CLSTN2: variants seen among roughly 807,000 people sequenced by gnomAD.
The protein encoded by CLSTN2 is calsyntenin 2, also known as calsyntenin-2.
CLSTN2 carries 48 observed loss-of-function variants against 101.2 expected under a neutral mutation model. The observed-to-expected ratio is 0.47, with a 90% CI of 0.38 to 0.60. The LOEUF (loss-of-function observed/expected upper bound fraction) is 0.60, where lower values mean the gene tolerates loss of function less well. Among genes scored for constraint, CLSTN2 ranks in the 20% least tolerant of loss-of-function variants. The pLI, the probability that CLSTN2 is intolerant of heterozygous loss-of-function variation, is 0.00. For missense variants in CLSTN2, 1,160 were observed against 1,238.2 expected (o/e 0.94, Z 0.95); for synonymous variants, 481 against 463.6 (o/e 1.04, Z -0.48).
chr3:140,133,701 A>G (rs1198514281), intron 1 of CLSTN2, among the ~76,000 whole-genome samples: 2 of 152,322 alleles, frequency 1.3e-5, no homozygotes, highest in East Asian at 1.9e-4. Flanking sequence ...ACCGCATTAC[A>G]TAGTACTGGA....
chr3:140,162,200 G>T (rs1448707939), intron 1 of CLSTN2, among the ~76,000 whole-genome samples: 8 of 152,098 alleles, frequency 5.3e-5, no homozygotes. Context: ...TTTTGACCTT[G>T]TGAACCCCTG....
At chr3:139,955,112 C>CTATATAGATATATATA (rs1935367361) in intron 1 of CLSTN2, among the ~76,000 whole-genome samples, 1 of 71,504 alleles carries the variant, frequency 1.4e-5, no homozygotes, top group African/African-American at 5.6e-5. Flanking sequence ...GGCAATATTG[C>CTATATAGATATATATA]TATATATATA....
At chr3:140,407,081 G>A (rs1043746287) in intron 4 of CLSTN2, among the ~76,000 whole-genome samples, 41 of 152,212 alleles carry the variant, frequency 2.7e-4, no homozygotes, top group African/African-American at 9.7e-4. Context: ...CCCTGACAGC[G>A]AGGTGTACAG....
At chr3:139,945,069 G>T (rs115821310) in intron 1 of CLSTN2, among the ~76,000 whole-genome samples, 2,549 of 150,158 alleles carry the variant, frequency 0.017, 83 homozygotes, top group African/African-American at 0.061. Context: ...TGTGAAAATT[G>T]CCAGTTAAAA....
chr3:140,007,040 G>T (rs1186947022), intron 1 of CLSTN2, among the ~76,000 whole-genome samples: 1 of 151,946 alleles, frequency 6.6e-6, no homozygotes, highest in Non-Finnish European at 1.5e-5. Flanking sequence ...TTTGCCTCAG[G>T]CTGTAATAGA....
At chr3:140,404,918 A>G (rs1370968215) in intron 4 of CLSTN2, 152 bp downstream of exon 4, 2 of 686,572 alleles carry the variant, frequency 2.9e-6, no homozygotes, top group Non-Finnish European at 5.0e-6. Context: ...TCAGTCCCAC[A>G]CTTGAGGGAA....
In CLSTN2 at chr3:140,566,007, C is replaced by T; in HGVS notation, c.2668-46C>T. 10 of 1,611,152 alleles carry T rather than the reference C, an allele frequency of 6.2e-6. 1 individual carries two copies. In the African/African-American group the frequency reaches 6.7e-5, roughly 11 times the overall value. On this transcript the variant is annotated intron_variant, in intron 16 of 16. Transcript: ENST00000458420. The stretch of plus-strand genomic sequence containing the variant: ...AGAGACATAAGCTCCAAAATGGCCT[C>T]TGTTCAGCCCCTGATGAGCATTTGC...
At chr3:139,980,695 C>T (rs1049101436) in intron 1 of CLSTN2, among the ~76,000 whole-genome samples, 2 of 152,094 alleles carry the variant, frequency 1.3e-5, no homozygotes, top group Non-Finnish European at 2.9e-5. Flanking sequence ...GAGTATCTCA[C>T]ATTTTGATCC....
chr3:140,172,729 C>T (rs1249524692), intron 1 of CLSTN2, among the ~76,000 whole-genome samples: 1 of 152,110 alleles, frequency 6.6e-6, no homozygotes, highest in East Asian at 1.9e-4. Context: ...AAGATCAAGT[C>T]CCATCTTACA....
At chr3:140,009,200 T>C (rs899741650) in intron 1 of CLSTN2, among the ~76,000 whole-genome samples, 3 of 152,226 alleles carry the variant, frequency 2.0e-5, no homozygotes, top group African/African-American at 7.2e-5. Context: ...ATTGTACTTA[T>C]CCAGCCATGC....
chr3:140,531,553 C>T (rs1240785829), intron 8 of CLSTN2, among the ~76,000 whole-genome samples: 1 of 152,126 alleles, frequency 6.6e-6, no homozygotes, highest in Non-Finnish European at 1.5e-5. Context: ...CAGAGGGGTC[C>T]TCCACAGGGT....
At chr3:139,940,549 T>C (rs1048535940) in intron 1 of CLSTN2, among the ~76,000 whole-genome samples, 2 of 151,146 alleles carry the variant, frequency 1.3e-5, no homozygotes, top group African/African-American at 4.9e-5. Flanking sequence ...TTTTTTTTTC[T>C]GATCTCTTAG....
chr3:139,978,460 G>A (rs970088953), intron 1 of CLSTN2, among the ~76,000 whole-genome samples: 6 of 152,130 alleles, frequency 3.9e-5, no homozygotes, highest in Admixed American at 6.6e-5. Context: ...GCATAAGAAT[G>A]ATAGAATCAA....
chr3:140,151,631 C>CTTTGGACTTTATTCT, intron 1 of CLSTN2, among the ~76,000 whole-genome samples: 1 of 151,948 alleles, frequency 6.6e-6, no homozygotes, highest in African/African-American at 2.4e-5. Context: ...CATGGGAAGA[C>CTTTGGACTTTATTCT]AATCAAAGGC....
chr3:140,249,345 G>C (rs1315891871), intron 2 of CLSTN2, among the ~76,000 whole-genome samples: 1 of 152,186 alleles, frequency 6.6e-6, no homozygotes, highest in Admixed American at 6.5e-5. Context: ...GCCCAGCTGA[G>C]AGTATGAGCA....
intron 2 of CLSTN2, among the ~76,000 whole-genome samples, chr3:140,300,533 G>A (rs1050241373): frequency 2.6e-5 from 4 of 152,202 alleles, no homozygotes; most frequent in Non-Finnish European, 1.5e-5. Context: ...GATAGTTGGT[G>A]CTATTACAGA....
chr3:140,462,538 G>T (rs1933588089), intron 7 of CLSTN2, among the ~76,000 whole-genome samples: 1 of 152,182 alleles, frequency 6.6e-6, no homozygotes, highest in African/African-American at 2.4e-5. Flanking sequence ...CACTAAGTTT[G>T]TCTGGTGTAC....
intron 2 of CLSTN2, among the ~76,000 whole-genome samples, chr3:140,259,670 A>G (rs1576488495): frequency 6.6e-6 from 1 of 152,166 alleles, no homozygotes; most frequent in South Asian, 2.1e-4. Context: ...CAGGCAACTA[A>G]TGATCTGATT....
chr3:139,966,254 C>G (rs1285744529), intron 1 of CLSTN2, among the ~76,000 whole-genome samples: 3 of 152,202 alleles, frequency 2.0e-5, no homozygotes. Context: ...ACATCATCCT[C>G]AAACCCAGTT....
Sources: gnomAD v4.1 joint callset for allele counts (sites outside exome capture counted in the v4.1 genomes callset) on GRCh38, gnomAD v4.1.1 for gene constraint, MANE v1.5 for transcripts, NCBI Gene and HGNC (gene_info 2026-07-23, HGNC 2026-07-21) for gene names.